MST1R: variants seen among roughly 807,000 people sequenced by gnomAD.
The protein encoded by MST1R is macrophage stimulating 1 receptor, also known as macrophage-stimulating protein receptor.
MST1R carries 99 observed loss-of-function variants against 117.8 expected under a neutral mutation model. The ratio of observed to expected loss-of-function variants is 0.84; its 90% CI spans 0.71 to 0.99. The LOEUF is 0.99. Among genes scored for constraint, MST1R ranks in the 50% least tolerant of loss-of-function variants. MST1R has a pLI of 0.00. For missense variants in MST1R, 1,683 were observed against 1,840.2 expected (o/e 0.91, Z 1.56); for synonymous variants, 734 against 765.3 (o/e 0.96, Z 0.68).
rs776422635 is a variant in MST1R, at chr3:49,899,227, G to A, written c.1267C>T (p.Arg423Cys). 6.2e-7 allele frequency: 1 copy of A among 1,614,154 alleles called. No homozygotes were observed. ...CTACTGACCAGCAGAGGGAAGTGGC[G>A]GCAGCTGGTGTTGGGGCTGAGGGCT... Reference protein sequence around the residue: ...LEALSPNTSCRHFPLLVSSSF... With the variant: ...LEALSPNTSCCHFPLLVSSSF... Residue 423 changes from arginine (R) to cysteine (C), a missense_variant, in exon 2 of 20, where the codon CGC (arginine) becomes TGC (cysteine). By Grantham distance (180) the Arg-to-Cys change is radical. Coordinates refer to ENST00000296474, the MANE Select transcript of MST1R (RefSeq NM_002447.4).
chr3:49,890,133 A>G, intron 18 of MST1R, 73 bp from the exon 19 acceptor site: 1 of 1,517,954 alleles, frequency 6.6e-7, no homozygotes, highest in Non-Finnish European at 8.8e-7. Context: ...CAGGGCTTCT[A>G]CCTCCCAGAG....
At position 49,903,539 on chromosome 3, in the gene MST1R, C is replaced by G. The variant is rs376233489; in HGVS notation, c.71G>C (p.Gly24Ala). Residue 24 changes from glycine (G) to alanine (A), a missense_variant, in exon 1 of 20, where the codon GGC (glycine) becomes GCC (alanine). By Grantham distance (60) the Gly-to-Ala change is moderately conservative. Coordinates refer to ENST00000296474, the MANE Select transcript of MST1R (RefSeq NM_002447.4). ...LLLLPAKPAA[G>A]EDWQCPRTPY... ...GGTGCGCGGGCACTGCCAGTCCTCG[C>G]CCGCCGCGGGCTTGGCAGGCAACAG... 3 of 1,601,036 alleles carry G rather than the reference C, an allele frequency of 1.9e-6. No homozygotes were observed. In the African/African-American group the frequency reaches 4.0e-5, roughly 21 times the overall value.
At chr3:49,894,907 C>A (rs2082417891) in intron 14 of MST1R, among the ~76,000 whole-genome samples, 1 of 151,978 alleles carries the variant, frequency 6.6e-6, no homozygotes, top group Non-Finnish European at 1.5e-5. Context: ...CTCCCGAGTT[C>A]ATGCCATTCT....
rs780662966 is a variant in MST1R at position 49,887,457 on chromosome 3, G to C, written c.4053C>G (p.Asp1351Glu). The C allele has an allele frequency of 1.2e-5, 19 of 1,614,106 alleles. No individual in the cohort carries two copies. The highest frequency in any genetic ancestry group is 1.4e-5 in the Non-Finnish European group (17 of 1,180,048). The change falls in exon 20 of 20, where the codon GAC becomes GAG. Residue 1351 changes from aspartate to glutamate, a missense_variant. Physicochemically the swap from Asp to Glu is conservative, Grantham distance 45. Coordinates refer to ENST00000296474, the MANE Select transcript of MST1R (RefSeq NM_002447.4). ...AGGTTGCTGGCAGCTGCACATAATG[G>C]TCCCCAAGCAGTGCAGACACTATCT... Reference protein sequence around the residue: ...VEQIVSALLGDHYVQLPATYM... With the variant: ...VEQIVSALLGEHYVQLPATYM...
intron 17 of MST1R, 102 bp downstream of exon 17, chr3:49,891,095 G>C (rs1575425024): frequency 9.8e-7 from 1 of 1,018,632 alleles, no homozygotes; most frequent in South Asian, 1.4e-5. Flanking sequence ...TGCAGAGAGG[G>C]GAGGACAAGG....
rs1157912258 is a variant in MST1R, at chr3:49,898,802, T to G, written c.1548+65A>C. Reference sequence around the variant, plus strand: ...TAGGGCCTGTATGTCAATGCCTCCCTGGATTGGATGGAGAGTCTGTGATCC... The same window carrying G: ...TAGGGCCTGTATGTCAATGCCTCCCGGGATTGGATGGAGAGTCTGTGATCC... On this transcript the variant is annotated intron_variant, in intron 3 of 19. Transcript: ENST00000296474. 6.8e-6 allele frequency: 11 copies of G among 1,609,450 alleles called. No individual in the cohort carries two copies. In the East Asian group the frequency reaches 2.2e-4, roughly 33 times the overall value.
intron 1 of MST1R, 74 bp downstream of exon 1, chr3:49,902,306 T>C (rs946799429): frequency 2.0e-6 from 3 of 1,506,546 alleles, no homozygotes; most frequent in Non-Finnish European, 2.7e-6. Context: ...ATCCCCTCAG[T>C]GATGGAAGGG....
At chr3:49,890,212 T>C in intron 18 of MST1R, 152 bp from the exon 19 acceptor site, 1 of 1,076,182 alleles carries the variant, frequency 9.3e-7, no homozygotes, top group Non-Finnish European at 1.3e-6. Context: ...CACCTGTGTC[T>C]TTCCTCTGTC....
At chr3:49,891,160 G>T in intron 17 of MST1R, 37 bp downstream of exon 17, 1 of 1,587,888 alleles carries the variant, frequency 6.3e-7, no homozygotes, top group Non-Finnish European at 8.6e-7. Flanking sequence ...CTCATGCCCT[G>T]TCCTTTTGCT....
intron 15 of MST1R, 47 bp downstream of exon 15, chr3:49,891,711 C>T: frequency 6.2e-7 from 1 of 1,610,612 alleles, no homozygotes; most frequent in Non-Finnish European, 8.5e-7. Context: ...AGAATCCTCC[C>T]AGCCTGAGGC....
rs548153935 is a variant in MST1R, at chr3:49,889,438, C to T, written c.3947+486G>A. On this transcript the variant is annotated intron_variant, in intron 19 of 19. Transcript: ENST00000296474. ...AGCCACAGCTCAGGCACACCTGCTA[C>T]GTATGAAGCTGAACCTCAGCACCGA... 2.2e-4 allele frequency among the ~76,000 whole-genome samples: 33 copies of T among 152,256 alleles called. No individual in the cohort carries two copies. The South Asian group carries it at 5.0e-3, about 23-fold the overall frequency.
At position 49,903,803 on chromosome 3, in the gene MST1R, C is replaced by T; in HGVS notation, c.-194G>A. On this transcript the variant is annotated 5_prime_UTR_variant, in exon 1 of 20. Transcript: ENST00000296474. ...CTTCCCGGCCCTCGGGTCTGAGCAC[C>T]TGACGCCTGCGGACGCACGACAGCA... The T allele has an allele frequency of 4.3e-6, 3 of 701,876 alleles. No individual in the cohort carries two copies. The highest frequency in any genetic ancestry group is 4.0e-4 in the Middle Eastern group (1 of 2,490). 43.5% of individuals were successfully genotyped at this position (701,876 alleles called of 1,614,324 possible). A position where few individuals can be genotyped will look rare whatever the true frequency, so the allele number is the denominator to read the frequency against.
At chr3:49,896,702 C>A (rs757925516) in intron 8 of MST1R, 27 bp downstream of exon 8, 4 of 1,606,268 alleles carry the variant, frequency 2.5e-6, no homozygotes, top group Non-Finnish European at 3.4e-6. Context: ...CCCCAGAGGC[C>A]AGAGTGGGCA....
rs1408257602 is a variant in MST1R, at chr3:49,896,071, T to G, written c.2686A>C (p.Ile896Leu). 3.7e-6 allele frequency: 6 copies of G among 1,611,892 alleles called. No homozygotes were observed. The Middle Eastern group carries it at 8.3e-4, about 222-fold the overall frequency. ...CTCTCACCACCCACGGTCACGTTGA[T>G]ACCCACACAGTCAGCCACAGCGCCC... ...GLGAVADCVGINVTVGGESCQ... is the reference protein window; with the variant it reads ...GLGAVADCVGLNVTVGGESCQ... Residue 896 changes from isoleucine (I) to leucine (L), a missense_variant, in exon 11 of 20, where the codon ATC (isoleucine) becomes CTC (leucine). Coordinates refer to ENST00000296474, the MANE Select transcript of MST1R (RefSeq NM_002447.4).
rs1176685016 is a variant in MST1R, at chr3:49,895,688, G to A, written c.2962+27C>T. On this transcript the variant is annotated intron_variant, in intron 12 of 19. Transcript: ENST00000296474. ...ATGCCATTGGTTGGGGGTAGGGGCT[G>A]ATTAAAGGTAGGAGCAGAGAACTCA... 5.0e-6 allele frequency: 8 copies of A among 1,612,108 alleles called. No individual in the cohort carries two copies. The African/African-American group carries it at 8.0e-5, about 16-fold the overall frequency.
chr3:49,887,541 G>C lies in MST1R; in HGVS notation c.3969C>G (p.Cys1323Trp). The change falls in exon 20 of 20, where the codon TGC becomes TGG. Residue 1323 changes from cysteine to tryptophan, a missense_variant. By Grantham distance (215) the Cys-to-Trp change is radical (BLOSUM62 -2). Transcript: ENST00000296474. ...PDSLYQVMQQCWEADPAVRPT... is the reference protein window; with the variant it reads ...PDSLYQVMQQWWEADPAVRPT... ...GTCGCACTGCTGGGTCTGCCTCCCA[G>C]CATTGCTGCATCACTTGGTACCTGT... 1 of 1,614,130 alleles carries C rather than the reference G, an allele frequency of 6.2e-7. No homozygotes were observed. Among genetic ancestry groups the C allele is most frequent in the Non-Finnish European group, 8.5e-7 (1 of 1,180,014 alleles).
chr3:49,903,588 G>T lies in MST1R; in HGVS notation c.22C>A (p.Pro8Thr). MELLPPL[P>T]QSFLLLLLLP... ...AGCAGCAGCAACAGGAAGGACTGAG[G>T]CAGCGGCGGGAGGAGCTCCATCGAG... Residue 8 changes from proline (P) to threonine (T), a missense_variant, in exon 1 of 20, where the codon CCT becomes ACT. Pro to Thr is a conservative substitution (Grantham distance 38, BLOSUM62 -1). Transcript: ENST00000296474. 1 of 1,569,468 alleles carries T rather than the reference G, an allele frequency of 6.4e-7. No homozygotes were observed. Among genetic ancestry groups the T allele is most frequent in the Non-Finnish European group, 8.6e-7 (1 of 1,163,788 alleles).
chr3:49,894,153 TG>T (rs1467289048), intron 14 of MST1R, among the ~76,000 whole-genome samples: 2 of 151,128 alleles, frequency 1.3e-5, no homozygotes, highest in African/African-American at 2.4e-5. Flanking sequence ...AGGAGGAGGT[TG>T]CAATGAGCCG....
In MST1R at chr3:49,897,639, C is replaced by T. The variant is rs2082526990; in HGVS notation, c.1927G>A (p.Glu643Lys). Residue 643 changes from glutamate to lysine, a missense_variant, in exon 6 of 20, where the codon GAG becomes AAG. Coordinates refer to ENST00000296474, the MANE Select transcript of MST1R (RefSeq NM_002447.4). Reference sequence around the variant, plus strand: ...CCCACTGCCTGGGTGCCCAAGGGCTCCAGTTCACACTCAAACTCCTCTACA... The same window carrying T: ...CCCACTGCCTGGGTGCCCAAGGGCTTCAGTTCACACTCAAACTCCTCTACA... Reference protein sequence around the residue: ...DFVEEFECELEPLGTQAVGPT... With the variant: ...DFVEEFECELKPLGTQAVGPT... The T allele has an allele frequency of 6.2e-7, 1 of 1,614,074 alleles. No individual in the cohort carries two copies. Among genetic ancestry groups the T allele is most frequent in the East Asian group, 2.2e-5 (1 of 44,888 alleles).
Sources: gnomAD v4.1 joint callset for allele counts (sites outside exome capture counted in the v4.1 genomes callset) on GRCh38, gnomAD v4.1.1 for gene constraint, MANE v1.5 for transcripts, NCBI Gene and HGNC (gene_info 2026-07-23, HGNC 2026-07-21) for gene names.